Variants in SORCS1 observed in about 807,000 individuals in gnomAD.
SORCS1 encodes VPS10 domain-containing receptor SorCS1.
SORCS1 carries 60 observed loss-of-function variants against 146.1 expected under a neutral mutation model. The observed-to-expected ratio is 0.41, with a 90% CI of 0.33 to 0.51. SORCS1 has a LOEUF of 0.51. Ranked by LOEUF, SORCS1 falls within the 20% of genes least tolerant of loss-of-function variation. SORCS1 has a pLI of 0.21. For synonymous variants in SORCS1, 637 were observed against 584.0 expected, an observed-to-expected ratio of 1.09 and a Z score of -1.31; for missense variants, 1,352 against 1,487.6, an observed-to-expected ratio of 0.91 and a Z score of 1.50.
intron 1 of SORCS1, among the ~76,000 whole-genome samples, chr10:106,999,589 A>T (rs1279555424): frequency 6.6e-6 from 1 of 152,236 alleles, no homozygotes; most frequent in Non-Finnish European, 1.5e-5. Flanking sequence ...ACTTTGTCAG[A>T]GGAGAAATCA....
chr10:106,646,937 T>C (rs1453050395), intron 18 of SORCS1, among the ~76,000 whole-genome samples: 2 of 149,828 alleles, frequency 1.3e-5, no homozygotes, highest in East Asian at 3.9e-4. Flanking sequence ...TATATGTTTC[T>C]TGACTCTCCT....
In SORCS1 at chr10:107,093,523, A is replaced by G. The variant is rs560935791; in HGVS notation, c.558+70446T>C. Among the ~76,000 whole-genome samples, 7 of 152,150 alleles carry G rather than the reference A, an allele frequency of 4.6e-5. No homozygotes were observed. The East Asian group carries it at 1.4e-3, about 29-fold the overall frequency. Reference sequence around the variant, plus strand: ...CCCTGTCTCTACTAAAAATACAAAAATTAGTTGGGTATGGTGGTGTGTGCC... The same window carrying G: ...CCCTGTCTCTACTAAAAATACAAAAGTTAGTTGGGTATGGTGGTGTGTGCC... On this transcript the variant is annotated intron_variant, in intron 1 of 25. Coordinates refer to ENST00000263054, the MANE Select transcript of SORCS1 (RefSeq NM_052918.5).
At chr10:106,878,765 T>C (rs1950701136) in intron 2 of SORCS1, among the ~76,000 whole-genome samples, 1 of 150,752 alleles carries the variant, frequency 6.6e-6, no homozygotes, top group Admixed American at 6.6e-5. Context: ...ATTTTACATA[T>C]AAAAATTTCT....
chr10:107,063,148 T>A (rs1034641268), intron 1 of SORCS1, among the ~76,000 whole-genome samples: 34 of 152,108 alleles, frequency 2.2e-4, no homozygotes, highest in African/African-American at 8.2e-4. Context: ...AAAATATGCA[T>A]CAATAAATAT....
chr10:106,867,287 ATTT>A (rs57311191), intron 2 of SORCS1, among the ~76,000 whole-genome samples: 1 of 144,916 alleles, frequency 6.9e-6, no homozygotes. Context: ...CTTATATTAA[ATTT>A]TTTTTTTTTT....
At chr10:106,598,492 C>T (rs567640808) in intron 23 of SORCS1, among the ~76,000 whole-genome samples, 2 of 151,868 alleles carry the variant, frequency 1.3e-5, no homozygotes, top group Non-Finnish European at 2.9e-5. Flanking sequence ...GATCTCTTGA[C>T]CTTGTGATCA....
At chr10:106,864,453 G>A (rs1950150724) in intron 2 of SORCS1, among the ~76,000 whole-genome samples, 1 of 152,138 alleles carries the variant, frequency 6.6e-6, no homozygotes, top group Non-Finnish European at 1.5e-5. Flanking sequence ...AGCTAAGTGG[G>A]GGCTTAGCAG....
chr10:106,844,031 C>A (rs938810379), intron 2 of SORCS1, among the ~76,000 whole-genome samples: 3 of 152,154 alleles, frequency 2.0e-5, no homozygotes, highest in Non-Finnish European at 2.9e-5. Flanking sequence ...CAAGGGTTCC[C>A]TTTGCTCCAC....
intron 1 of SORCS1, among the ~76,000 whole-genome samples, chr10:107,122,925 A>T (rs1966490004): frequency 6.6e-6 from 1 of 152,178 alleles, no homozygotes; most frequent in African/African-American, 2.4e-5. Flanking sequence ...AGTCATTTTG[A>T]CAAGCCCCTT....
At chr10:106,737,043 G>A (rs1359221825) in intron 5 of SORCS1, among the ~76,000 whole-genome samples, 2 of 95,152 alleles carry the variant, frequency 2.1e-5, no homozygotes, top group Non-Finnish European at 2.4e-5. Flanking sequence ...CAAAGTGTGT[G>A]TGTGTGTGTG....
chr10:106,960,822 G>A lies in SORCS1; in HGVS notation c.559-4242C>T, dbSNP rs1019010895. Among the ~76,000 whole-genome samples, 1 of 152,158 alleles carries A rather than the reference G, an allele frequency of 6.6e-6. No individual in the cohort carries two copies. Among genetic ancestry groups the A allele is most frequent in the Non-Finnish European group, 1.5e-5 (1 of 68,040 alleles). On this transcript the variant is annotated intron_variant, in intron 1 of 25. Transcript: ENST00000263054. This position sits in a 1 kb window ranked among gnomAD's most constrained non-coding sequence, Gnocchi z 4.4. ...GCCAGGTCAGGTTCTGTGCAGGAAT[G>A]GGAGAGGGTCCAAGGGAGTGGGCAA...
intron 8 of SORCS1, among the ~76,000 whole-genome samples, chr10:106,704,722 A>G (rs1034136742): frequency 2.0e-5 from 3 of 152,188 alleles, no homozygotes; most frequent in African/African-American, 4.8e-5. Flanking sequence ...AAAAACAAAA[A>G]CAAAAAACAG....
rs114249050 is a variant in SORCS1 at position 106,898,530 on chromosome 10, G to A, written c.626+57983C>T. On this transcript the variant is annotated intron_variant, in intron 2 of 25. Coordinates refer to ENST00000263054, the MANE Select transcript of SORCS1 (RefSeq NM_052918.5). ...TGAGCATGGCACTGGAAACCTCCCA[G>A]CATCAAACAAATGGCCACTGTCACT... Among the ~76,000 whole-genome samples the A allele has an allele frequency of 3.2e-3, 487 of 152,276 alleles. 3 individuals carry two copies. Among genetic ancestry groups the A allele is most frequent in the African/African-American group, 0.011 (457 of 41,562 alleles).
intron 3 of SORCS1, among the ~76,000 whole-genome samples, chr10:106,801,524 A>ATTTTTTTTTTTTTTTTTTTTTTTTTT (rs34849434): frequency 8.8e-6 from 1 of 113,840 alleles, no homozygotes; most frequent in Non-Finnish European, 1.8e-5. Flanking sequence ...TAGTATAGCC[A>ATTTTTTTTTTTTTTTTTTTTTTTTTT]TTTTTTTTTT....
intron 2 of SORCS1, among the ~76,000 whole-genome samples, chr10:106,836,251 G>T (rs1948779051): frequency 6.6e-6 from 1 of 151,970 alleles, no homozygotes; most frequent in Non-Finnish European, 1.5e-5. Flanking sequence ...GAGGCGGGCA[G>T]ATCACGAGGT....
At chr10:106,935,743 T>C (rs369065265) in intron 2 of SORCS1, among the ~76,000 whole-genome samples, 42 of 152,332 alleles carry the variant, frequency 2.8e-4, no homozygotes, top group African/African-American at 9.4e-4. Flanking sequence ...TTAGTGGCAG[T>C]GCTAAGTTTA....
intron 3 of SORCS1, among the ~76,000 whole-genome samples, chr10:106,780,619 G>A (rs946365209): frequency 3.3e-5 from 5 of 152,158 alleles, no homozygotes; most frequent in African/African-American, 1.2e-4. Context: ...AGGGGCCCCT[G>A]CAACACTGGG....
At chr10:106,824,070 G>A (rs748929525) in intron 3 of SORCS1, among the ~76,000 whole-genome samples, 2 of 152,180 alleles carry the variant, frequency 1.3e-5, no homozygotes, top group Non-Finnish European at 2.9e-5. Context: ...TTGGGAGGCC[G>A]AGGCGGGTGG....
At chr10:106,756,017 TA>T (rs978610590) in intron 5 of SORCS1, among the ~76,000 whole-genome samples, 2 of 151,850 alleles carry the variant, frequency 1.3e-5, no homozygotes, top group African/African-American at 4.8e-5. Flanking sequence ...TAGTCTCAAC[TA>T]CTCAGGAGGC....
Sources: gnomAD v4.1 joint callset for allele counts (sites outside exome capture counted in the v4.1 genomes callset) on GRCh38, gnomAD v4.1.1 for gene constraint, Gnocchi (gnomAD v3.1) non-coding constraint, MANE v1.5 for transcripts, NCBI Gene and HGNC (gene_info 2026-07-23, HGNC 2026-07-21) for gene names.